The following POU3F3 variants were observed in gnomAD, a reference collection of about 807,000 sequenced individuals.
The protein encoded by POU3F3 is POU domain, class 3, transcription factor 3.
Under a neutral mutation model 8.6 loss-of-function variants are expected in POU3F3, and 1 was observed. The observed-to-expected ratio is 0.12, with a 90% confidence interval of 0.04 to 0.55. POU3F3 has a LOEUF of 0.55. Among genes scored for constraint, POU3F3 ranks in the 20% least tolerant of loss-of-function variants. POU3F3 has a pLI of 0.91. For missense variants in POU3F3, 577 were observed against 690.7 expected (o/e 0.84, Z 1.84); for synonymous variants, 418 against 327.4 (o/e 1.28, Z -2.99).
chr2:104,909,008 G>C, the POU3F3 span, among the ~76,000 whole-genome samples: 1 of 152,000 alleles, frequency 6.6e-6, no homozygotes, highest in Non-Finnish European at 1.5e-5. Context: ...CCAGATGGGT[G>C]ATGAAATATC....
chr2:104,892,635 T>TTATATATATATATGTACATATGTGTATA, the POU3F3 span, among the ~76,000 whole-genome samples: 2 of 150,174 alleles, frequency 1.3e-5, no homozygotes, highest in African/African-American at 4.9e-5. Flanking sequence ...CTGGCTGATT[T>TTATATATATATATGTACATATGTGTATA]TATATATATA....
the POU3F3 span, among the ~76,000 whole-genome samples, chr2:104,918,250 G>A: frequency 6.6e-6 from 1 of 152,158 alleles, no homozygotes; most frequent in Non-Finnish European, 1.5e-5. Context: ...CCCTCCAGCA[G>A]GCCCGGATGT....
chr2:104,922,119 G>A, the POU3F3 span, among the ~76,000 whole-genome samples: 4 of 152,202 alleles, frequency 2.6e-5, no homozygotes, highest in East Asian at 7.7e-4. Flanking sequence ...CTAATCCCTG[G>A]TACAGAGACA....
the POU3F3 span, among the ~76,000 whole-genome samples, chr2:104,904,726 A>G: frequency 6.6e-6 from 1 of 152,140 alleles, no homozygotes; most frequent in African/African-American, 2.4e-5. Context: ...CCTGTCCTTT[A>G]CACGTCTCAT....
chr2:104,914,796 C>T, the POU3F3 span, among the ~76,000 whole-genome samples: 58,322 of 151,972 alleles, frequency 0.38, 11,276 homozygotes, highest in East Asian at 0.46. Flanking sequence ...CCCTTCTCCC[C>T]GCAAGGAGAA....
chr2:104,855,555 G>C lies in POU3F3; in HGVS notation c.45G>C (p.Leu15=). The change falls in exon 1 of 1, where the codon CTG becomes CTC. Residue 15 remains leucine, a synonymous_variant. Transcript: ENST00000361360. The part of the protein sequence containing the change: ...ASNPYLPGNS[L]LAAGSIVHSD... ...ACCCCTACCTGCCGGGGAACAGCCT[G>C]CTCGCGGCCGGCTCTATTGTGCACT... is the stretch of plus-strand genomic sequence containing the variant. The C allele has an allele frequency of 3.8e-6, 4 of 1,044,110 alleles. No homozygotes were observed. The highest frequency in any genetic ancestry group is 4.6e-6 in the Non-Finnish European group (4 of 864,472). The allele number at this position is 1,044,110 out of a possible 1,614,324, so 64.7% of individuals were successfully genotyped here.
the POU3F3 span, among the ~76,000 whole-genome samples, chr2:104,873,437 G>C: frequency 1.8e-4 from 28 of 152,188 alleles, no homozygotes; most frequent in East Asian, 4.9e-3. Context: ...CCGTGAGCGC[G>C]CCCCAGCCCT....
chr2:104,912,796 C>A, the POU3F3 span, among the ~76,000 whole-genome samples: 2 of 152,102 alleles, frequency 1.3e-5, no homozygotes, highest in Non-Finnish European at 2.9e-5. Context: ...TGTGACCCCA[C>A]GGGATGAGGA....
the POU3F3 span, among the ~76,000 whole-genome samples, chr2:104,886,796 T>C: frequency 6.6e-6 from 1 of 152,058 alleles, no homozygotes; most frequent in Admixed American, 6.6e-5. Context: ...TAATCCCAGG[T>C]ACTCTGGAGG....
chr2:104,897,485 AC>A, the POU3F3 span, among the ~76,000 whole-genome samples: 5 of 146,110 alleles, frequency 3.4e-5, no homozygotes, highest in South Asian at 2.3e-4. Flanking sequence ...GAAGGGGAAA[AC>A]CCCCCTCCCC....
chr2:104,905,501 G>A, the POU3F3 span, among the ~76,000 whole-genome samples: 1 of 152,190 alleles, frequency 6.6e-6, no homozygotes, highest in African/African-American at 2.4e-5. Flanking sequence ...AGACATTAAT[G>A]TGTGTATTAG....
the POU3F3 span, chr2:104,868,138 C>T: frequency 1.0e-5 from 4 of 390,252 alleles, no homozygotes; most frequent in Non-Finnish European, 2.0e-5. Flanking sequence ...GGATGACCTC[C>T]AACTTCACCC....
upstream of POU3F3, chr2:104,853,730 GT>G (rs1352469307): frequency 6.6e-6 from 1 of 151,698 alleles, no homozygotes; most frequent in Non-Finnish European, 1.5e-5. Context: ...CCCCCCTCTC[GT>G]CCCTCCCTCC....
the POU3F3 span, among the ~76,000 whole-genome samples, chr2:104,921,189 C>T: frequency 1.3e-5 from 2 of 151,976 alleles, no homozygotes; most frequent in African/African-American, 4.8e-5. Flanking sequence ...GTGACAGAGG[C>T]GAGGAGGCCA....
chr2:104,910,006 T>TA, the POU3F3 span, among the ~76,000 whole-genome samples: 1 of 152,162 alleles, frequency 6.6e-6, no homozygotes, highest in Non-Finnish European at 1.5e-5. Flanking sequence ...TAAACAAGGA[T>TA]AAAAAACGTC....
chr2:104,856,077 G>GGCCGCC lies in POU3F3; in HGVS notation c.570_575dup (p.Ala203_Ala204dup). On this transcript the variant is annotated inframe_insertion, in exon 1 of 1. Coordinates refer to ENST00000361360, the MANE Select transcript of POU3F3 (RefSeq NM_006236.3). ...AGGGCCACCCTGGGGGCTGGGGGGC[G>GGCCGCC]GCCGCCGCTGCCGCAGCCGCAGCCG... The GGCCGCC allele has an allele frequency of 9.9e-7, 1 of 1,010,284 alleles. No individual in the cohort carries two copies. Among genetic ancestry groups the GGCCGCC allele is most frequent in the Non-Finnish European group, 1.2e-6 (1 of 853,656 alleles). 62.6% of individuals were successfully genotyped at this position (1,010,284 alleles called of 1,614,324 possible).
Position 104,855,447 on chromosome 2 carries a change from C to T in POU3F3, c.-64C>T. 6 of 768,476 alleles carry T rather than the reference C, an allele frequency of 7.8e-6. No individual in the cohort carries two copies. Among genetic ancestry groups the T allele is most frequent in the Non-Finnish European group, 7.6e-6 (5 of 661,592 alleles). The allele number at this position is 768,476 out of a possible 1,614,324, so 47.6% of individuals were successfully genotyped here. On this transcript the variant is annotated 5_prime_UTR_variant, in exon 1 of 1. Coordinates refer to ENST00000361360, the MANE Select transcript of POU3F3 (RefSeq NM_006236.3). ...CGGCGGCGGCGGCGGCGGCGGCGGC[C>T]GCGGCTGCTGCTGCGGCGGCGGCGG...
At chr2:104,869,602 T>A in the POU3F3 span, among the ~76,000 whole-genome samples, 2 of 152,164 alleles carry the variant, frequency 1.3e-5, no homozygotes, top group Non-Finnish European at 2.9e-5. Context: ...GAACTCCCTG[T>A]AGGACAGCTG....
At chr2:104,891,548 T>G in the POU3F3 span, among the ~76,000 whole-genome samples, 2 of 151,930 alleles carry the variant, frequency 1.3e-5, 1 homozygote, top group Non-Finnish European at 2.9e-5. Flanking sequence ...ATCGGAAGAG[T>G]AATTCTAAAA....
Sources: gnomAD v4.1 joint callset for allele counts (sites outside exome capture counted in the v4.1 genomes callset) on GRCh38, gnomAD v4.1.1 for gene constraint, MANE v1.5 for transcripts, NCBI Gene and HGNC (gene_info 2026-07-23, HGNC 2026-07-21) for gene names.